Variants in ARHGEF7 observed in about 807,000 individuals in gnomAD.
ARHGEF7 encodes the protein PAK-interacting exchange factor beta.
Under a neutral mutation model 109.8 loss-of-function variants are expected in ARHGEF7, and 33 were observed. That is an observed-to-expected ratio of 0.30 (90% CI 0.23 to 0.40). The LOEUF (loss-of-function observed/expected upper bound fraction) is 0.40, where lower values mean the gene tolerates loss of function less well. Ranked by LOEUF, ARHGEF7 falls within the 10% of genes least tolerant of loss-of-function variation. ARHGEF7 has a pLI of 1.00. For synonymous variants in ARHGEF7, 458 were observed against 424.6 expected, an observed-to-expected ratio of 1.08 and a Z score of -0.97; for missense variants, 938 against 1,098.5, an observed-to-expected ratio of 0.85 and a Z score of 2.07.
intron 5 of ARHGEF7, among the ~76,000 whole-genome samples, chr13:111,218,178 T>TG (rs1162201935): frequency 6.6e-6 from 1 of 152,148 alleles, no homozygotes; most frequent in Non-Finnish European, 1.5e-5. Context: ...CTTTTTTTTT[T>TG]TTTTTAAGAG....
At chr13:111,212,270 CAG>C (rs932786525) in intron 4 of ARHGEF7, among the ~76,000 whole-genome samples, 5 of 152,060 alleles carry the variant, frequency 3.3e-5, no homozygotes, top group African/African-American at 2.4e-5. Context: ...AAAGAACAGT[CAG>C]GGGAGAGTTC....
rs372511961 is a variant in ARHGEF7, at chr13:111,209,858, C to T, written c.338-14C>T. 2 of 1,612,996 alleles carry T rather than the reference C, an allele frequency of 1.2e-6. No homozygotes were observed. Among genetic ancestry groups the T allele is most frequent in the African/African-American group, 1.3e-5 (1 of 74,888 alleles). ...GCTCTCAGCTCTCTTTTTCTGTGTG[C>T]ATGCTCTTTGCAGACATCGGGCTGG... On this transcript the variant is annotated splice_polypyrimidine_tract_variant and intron_variant, in intron 3 of 21. Transcript: ENST00000646102.
rs1474845962 is a variant in ARHGEF7 at position 111,145,040 on chromosome 13, T to TC, written c.166-8865_166-8864insC. Among the ~76,000 whole-genome samples the TC allele has an allele frequency of 2.6e-5, 4 of 151,918 alleles. No individual in the cohort carries two copies. In the East Asian group the frequency reaches 5.8e-4, roughly 22 times the overall value. The stretch of plus-strand genomic sequence containing the variant: ...ACATACATTTTCTTCTTGCTTTTTT[T>TC]TTTTAAAAACACAAAAGGTAGATAT... On this transcript the variant is annotated intron_variant, in intron 1 of 21. Coordinates refer to ENST00000646102, the MANE Select transcript of ARHGEF7 (RefSeq NM_001354046.2). The surrounding 1 kb of genome is among the most constrained non-coding windows in gnomAD (Gnocchi z 4.3).
chr13:111,238,902 C>T (rs9560014), intron 6 of ARHGEF7, among the ~76,000 whole-genome samples: 5,556 of 152,122 alleles, frequency 0.037, 256 homozygotes, highest in Admixed American at 0.14. Context: ...AAGAAATACC[C>T]GAGACTGGGC....
rs778409695 is a variant in ARHGEF7, at chr13:111,303,063, A to C, written c.2539A>C (p.Lys847Gln). ...CAAAGACCTGGAGAAGCTGGTGAGG[A>C]AAGTCCTGAAGAACATGAATGATCC... ...ARKDLEKLVRKVLKNMNDPAW... is the reference protein window; with the variant it reads ...ARKDLEKLVRQVLKNMNDPAW... The change falls in exon 22 of 22, where the codon AAA becomes CAA. Residue 847 changes from lysine to glutamine, a missense_variant. By Grantham distance (53) the Lys-to-Gln change is moderately conservative. Around this residue, in one of 4 missense-constraint regions of ARHGEF7, gnomAD observed 166 missense variants for 167.3 expected, o/e 0.99. Transcript: ENST00000646102. 1 of 1,614,144 alleles carries C rather than the reference A, an allele frequency of 6.2e-7. No individual in the cohort carries two copies. The highest frequency in any genetic ancestry group is 8.5e-7 in the Non-Finnish European group (1 of 1,179,972).
chr13:111,149,030 G>A (rs2153368530), intron 1 of ARHGEF7, among the ~76,000 whole-genome samples: 1 of 152,208 alleles, frequency 6.6e-6, no homozygotes, highest in East Asian at 1.9e-4. Flanking sequence ...AAGCGATGCT[G>A]GGCCATACCT....
chr13:111,119,039 G>C (rs1448917351), intron 1 of ARHGEF7, among the ~76,000 whole-genome samples: 1 of 152,172 alleles, frequency 6.6e-6, no homozygotes, highest in East Asian at 1.9e-4. Context: ...TACCTGCAGG[G>C]CCTCGTGCCC....
chr13:111,216,790 C>T (rs1001121004), intron 4 of ARHGEF7, among the ~76,000 whole-genome samples: 9 of 152,202 alleles, frequency 5.9e-5, no homozygotes, highest in Non-Finnish European at 1.3e-4. Flanking sequence ...CACGAGCAGG[C>T]TTCTCCTAGG....
intron 1 of ARHGEF7, among the ~76,000 whole-genome samples, chr13:111,125,176 A>G (rs2067475914): frequency 6.6e-6 from 1 of 151,944 alleles, no homozygotes; most frequent in South Asian, 2.1e-4. Context: ...ACTGCTTTGG[A>G]CCTGGAATCT....
intron 8 of ARHGEF7, among the ~76,000 whole-genome samples, chr13:111,246,876 G>A (rs907559142): frequency 6.6e-6 from 1 of 152,168 alleles, no homozygotes; most frequent in African/African-American, 2.4e-5. Context: ...CAGTACCTCT[G>A]TTGGGCATTA....
At chr13:111,221,472 T>G (rs550554764) in intron 5 of ARHGEF7, among the ~76,000 whole-genome samples, 1 of 94,660 alleles carries the variant, frequency 1.1e-5, no homozygotes, top group South Asian at 2.9e-4. Flanking sequence ...TAGACATCTA[T>G]ATATATAGAT....
intron 21 of ARHGEF7, among the ~76,000 whole-genome samples, chr13:111,302,243 C>T (rs575160535): frequency 6.6e-6 from 1 of 152,222 alleles, no homozygotes; most frequent in African/African-American, 2.4e-5. Context: ...CAGCTTTGGT[C>T]CTCTGCCCAG....
In ARHGEF7 at chr13:111,273,601, A is replaced by G. The variant is rs2092312273; in HGVS notation, c.1074-213A>G. Among the ~76,000 whole-genome samples, 7 of 152,228 alleles carry G rather than the reference A, an allele frequency of 4.6e-5. No individual in the cohort carries two copies. The South Asian group carries it at 1.4e-3, about 31-fold the overall frequency. On this transcript the variant is annotated intron_variant, in intron 9 of 21. Transcript: ENST00000646102. This position sits in a 1 kb window ranked among gnomAD's most constrained non-coding sequence, Gnocchi z 4.5. ...GTGCTGTGTATAGTTATTGTTGCTC[A>G]TATGAGAGCAGGAACGGGACCCCTT...
rs1027235493 is a variant in ARHGEF7 at position 111,304,190 on chromosome 13, C to T, written c.*1077C>T. The T allele has an allele frequency of 1.3e-5, 2 of 152,232 alleles. No homozygotes were observed. Among genetic ancestry groups the T allele is most frequent in the African/African-American group, 2.4e-5 (1 of 41,450 alleles). 9.4% of individuals were successfully genotyped at this position (152,232 alleles called of 1,614,324 possible). ...AATAAAGCAATATACACCTTAGGTT[C>T]CACTAAGTAACATAGGCATAAGCAG... On this transcript the variant is annotated 3_prime_UTR_variant, in exon 22 of 22. Coordinates refer to ENST00000646102, the MANE Select transcript of ARHGEF7 (RefSeq NM_001354046.2).
chr13:111,153,609 T>C (rs2076033121), intron 1 of ARHGEF7: 4 of 1,160,924 alleles, frequency 3.4e-6, no homozygotes, highest in African/African-American at 1.6e-5. Context: ...TCCGAAGACG[T>C]CCCGCGCGGG....
At chr13:111,284,732 C>T (rs2092943758) in intron 16 of ARHGEF7, among the ~76,000 whole-genome samples, 1 of 152,186 alleles carries the variant, frequency 6.6e-6, no homozygotes, top group African/African-American at 2.4e-5. Context: ...CACCGCCCAG[C>T]AGTAGCGTGG....
intron 2 of ARHGEF7, among the ~76,000 whole-genome samples, chr13:111,167,831 A>C (rs1231268129): frequency 1.3e-5 from 2 of 152,196 alleles, no homozygotes; most frequent in Non-Finnish European, 2.9e-5. Context: ...ATTTCCACTG[A>C]GAATGTAGTG....
At chr13:111,197,841 A>G (rs1743230101) in intron 2 of ARHGEF7, among the ~76,000 whole-genome samples, 2 of 152,148 alleles carry the variant, frequency 1.3e-5, no homozygotes, top group Admixed American at 1.3e-4. Flanking sequence ...AACTAGAGAC[A>G]GGGAGTGGTT....
In ARHGEF7 at chr13:111,228,429, C is replaced by G. The variant is rs2085520174; in HGVS notation, c.671-4776C>G. ...TTGGTGAGTGGAGATGACCTCATCTCTGAGACTTGCTGATGGTGCTTCCAG... is the reference window on the plus strand; with the variant it reads ...TTGGTGAGTGGAGATGACCTCATCTGTGAGACTTGCTGATGGTGCTTCCAG... On this transcript the variant is annotated intron_variant, in intron 5 of 21. Transcript: ENST00000646102. This position sits in a 1 kb window ranked among gnomAD's most constrained non-coding sequence, Gnocchi z 4.6. Among the ~76,000 whole-genome samples, 1 of 152,158 alleles carries G rather than the reference C, an allele frequency of 6.6e-6. No individual in the cohort carries two copies. The highest frequency in any genetic ancestry group is 1.5e-5 in the Non-Finnish European group (1 of 68,034).
Sources: allele counts gnomAD v4.1 joint callset (sites outside exome capture counted in the v4.1 genomes callset), GRCh38; gene constraint gnomAD v4.1.1; regional missense constraint gnomAD v4.1.1; non-coding constraint Gnocchi (gnomAD v3.1); transcripts MANE v1.5; gene names NCBI Gene and HGNC (gene_info 2026-07-23, HGNC 2026-07-21).